DISP1: variants seen among roughly 807,000 people sequenced by gnomAD.
The protein encoded by DISP1 is protein dispatched homolog 1.
A neutral mutation model predicts 37.3 loss-of-function variants in DISP1; 30 were observed. That is an observed-to-expected ratio of 0.80 (90% confidence interval 0.60 to 1.09). The LOEUF (loss-of-function observed/expected upper bound fraction) is 1.09. DISP1 is among the 50% of genes least tolerant of loss of function. The pLI, the probability that DISP1 is intolerant of heterozygous loss-of-function variation, is 0.00. For synonymous variants in DISP1, 634 were observed against 690.2 expected (o/e 0.92, Z 1.28); for missense variants, 1,598 against 1,879.5 (o/e 0.85, Z 2.77).
chr1:222,992,592 T>C (rs1034067161), intron 7 of DISP1, among the ~76,000 whole-genome samples: 1 of 152,194 alleles, frequency 6.6e-6, no homozygotes, highest in Admixed American at 6.6e-5. Context: ...AAGAGCCTTC[T>C]GTGTGTTACC....
intron 7 of DISP1, 65 bp downstream of exon 7, chr1:222,992,175 C>G (rs1678750209): frequency 1.6e-6 from 2 of 1,275,394 alleles, no homozygotes; most frequent in African/African-American, 1.5e-5. Context: ...TGAACATGAT[C>G]ACAGTCTAGA....
chr1:222,888,967 C>T (rs1273189151), intron 1 of DISP1, among the ~76,000 whole-genome samples: 1 of 151,998 alleles, frequency 6.6e-6, no homozygotes, highest in Non-Finnish European at 1.5e-5. Context: ...TGTTTCTATA[C>T]ATATAATGTA....
intron 2 of DISP1, among the ~76,000 whole-genome samples, chr1:222,932,033 A>G (rs536532784): frequency 2.0e-4 from 31 of 151,970 alleles, no homozygotes; most frequent in African/African-American, 6.8e-4. Context: ...GAGCAATAAA[A>G]AAAAGTAAAG....
chr1:222,847,496 A>G (rs1419766668), intron 1 of DISP1, among the ~76,000 whole-genome samples: 1 of 152,242 alleles, frequency 6.6e-6, no homozygotes, highest in Non-Finnish European at 1.5e-5. Context: ...ACACAGGAAT[A>G]TAGATAGTAC....
At chr1:222,895,889 G>A (rs1258039453) in intron 1 of DISP1, among the ~76,000 whole-genome samples, 1 of 152,136 alleles carries the variant, frequency 6.6e-6, no homozygotes, top group African/African-American at 2.4e-5. Flanking sequence ...TGTGACCTTA[G>A]GAAAGGCACA....
intron 1 of DISP1, among the ~76,000 whole-genome samples, chr1:222,864,383 G>A (rs896990976): frequency 1.3e-5 from 2 of 152,026 alleles, no homozygotes; most frequent in Non-Finnish European, 2.9e-5. Context: ...GGTATTAATA[G>A]ATGCTAAATA....
At chr1:222,830,724 G>A (rs1665535796) in intron 1 of DISP1, among the ~76,000 whole-genome samples, 1 of 152,168 alleles carries the variant, frequency 6.6e-6, no homozygotes, top group South Asian at 2.1e-4. Context: ...AGAGATTTCT[G>A]TGGTACTTTT....
rs1491421509 is a variant in DISP1 at position 222,936,821 on chromosome 1, AAT to A, written c.-17-5978_-17-5977del. ...TATATTATATATATAAATTATATATAATATATATAAATTATATATATCATATA... is the reference window on the plus strand; with the variant it reads ...TATATTATATATATAAATTATATATAATATATAAATTATATATATCATATA... On this transcript the variant is annotated intron_variant, in intron 2 of 8. Transcript: ENST00000675850. 5.4e-4 allele frequency among the ~76,000 whole-genome samples: 27 copies of A among 49,902 alleles called. 2 individuals are homozygous for A. The Admixed American group carries it at 6.8e-3, about 13-fold the overall frequency. The allele number at this position is 49,902 out of a possible 152,430, so 32.7% of individuals were successfully genotyped here.
At chr1:222,936,881 T>TA in intron 2 of DISP1, among the ~76,000 whole-genome samples, 1 of 59,326 alleles carries the variant, frequency 1.7e-5, no homozygotes, top group African/African-American at 6.3e-5. Context: ...ATATATATGA[T>TA]ATATATAATA....
At chr1:222,874,178 C>A (rs1669794744) in intron 1 of DISP1, among the ~76,000 whole-genome samples, 1 of 152,168 alleles carries the variant, frequency 6.6e-6, no homozygotes, top group Non-Finnish European at 1.5e-5. Context: ...TTGTGGGTAA[C>A]CTGACCTTTC....
intron 1 of DISP1, among the ~76,000 whole-genome samples, chr1:222,900,076 T>G (rs554412681): frequency 1.3e-5 from 2 of 152,326 alleles, no homozygotes; most frequent in African/African-American, 2.4e-5. Context: ...GCTGGTAAGA[T>G]TAAAACAAGT....
At chr1:222,936,733 TAAAA>T (rs1218395834) in intron 2 of DISP1, among the ~76,000 whole-genome samples, 107 of 99,202 alleles carry the variant, frequency 1.1e-3, no homozygotes, top group East Asian at 1.8e-3. Context: ...ATATGATATA[TAAAA>T]ATTATATATC....
chr1:223,002,295 T>C (rs1250437348), intron 8 of DISP1, 90 bp from the exon 9 acceptor site: 2 of 1,220,208 alleles, frequency 1.6e-6, no homozygotes, highest in Non-Finnish European at 1.2e-6. Flanking sequence ...TCCCTGTCCC[T>C]CAAGATCACC....
intron 1 of DISP1, among the ~76,000 whole-genome samples, chr1:222,854,752 T>C (rs1317457528): frequency 6.6e-6 from 1 of 152,032 alleles, no homozygotes; most frequent in East Asian, 1.9e-4. Context: ...GCTTTTTTTT[T>C]TTTAATCATA....
intron 1 of DISP1, among the ~76,000 whole-genome samples, chr1:222,914,063 G>A (rs1368133054): frequency 6.7e-6 from 1 of 149,578 alleles, no homozygotes; most frequent in Non-Finnish European, 1.5e-5. Context: ...GTGATCTGAA[G>A]GAAATCATTA....
chr1:222,914,957 A>T (rs1672411937), intron 1 of DISP1, among the ~76,000 whole-genome samples: 1 of 152,040 alleles, frequency 6.6e-6, no homozygotes, highest in East Asian at 1.9e-4. Context: ...TCAGAGCAAG[A>T]CTCTGTCATT....
chr1:222,949,959 C>T (rs767927798), intron 3 of DISP1, among the ~76,000 whole-genome samples: 2 of 152,226 alleles, frequency 1.3e-5, no homozygotes, highest in Non-Finnish European at 2.9e-5. Context: ...TGAAAATAGT[C>T]TCTCCTCACC....
rs779698268 is a variant in DISP1 at position 223,003,451 on chromosome 1, C to T, written c.2054C>T (p.Thr685Ile). The T allele has an allele frequency of 1.2e-6, 2 of 1,614,170 alleles. No individual in the cohort carries two copies. The highest frequency in any genetic ancestry group is 3.3e-5 in the Admixed American group (2 of 60,032). Residue 685 changes from threonine (T) to isoleucine (I), a missense_variant, in exon 9 of 9, where the codon ACA becomes ATA. Coordinates refer to ENST00000675850, the MANE Select transcript of DISP1 (RefSeq NM_001377229.1). This position sits in a 1 kb window ranked among gnomAD's most constrained non-coding sequence, Gnocchi z 4.3. ...ATATATGATAACAAAAGCTGCTGGA[C>T]AGTGGCTTGCCAGAAGTGCCACAAA... ...QQIYDNKSCW[T>I]VACQKCHKVL...
chr1:222,820,031 A>G (rs72742220), intron 1 of DISP1, among the ~76,000 whole-genome samples: 2,338 of 152,226 alleles, frequency 0.015, 21 homozygotes, highest in Non-Finnish European at 0.022. Flanking sequence ...AGGTGTAGTG[A>G]TTTACCCAGT....
Sources: allele counts gnomAD v4.1 joint callset (sites outside exome capture counted in the v4.1 genomes callset), GRCh38; gene constraint gnomAD v4.1.1; non-coding constraint Gnocchi (gnomAD v3.1); transcripts MANE v1.5; gene names NCBI Gene and HGNC (gene_info 2026-07-23, HGNC 2026-07-21).